The following SVEP1 variants were observed in gnomAD, a reference collection of about 807,000 sequenced individuals.
The protein encoded by SVEP1 is sushi, von Willebrand factor type A, EGF and pentraxin domain containing 1, also known as sushi, von Willebrand factor type A, EGF and pentraxin domain-containing protein 1.
Under a neutral mutation model 367.3 loss-of-function variants are expected in SVEP1, and 164 were observed. That is an observed-to-expected ratio of 0.45 (90% confidence interval 0.39 to 0.51). The LOEUF is 0.51. SVEP1 is among the 20% of genes least tolerant of loss of function. SVEP1 has a pLI of 0.00. For missense variants in SVEP1, 4,117 were observed against 4,425.3 expected (o/e 0.93, Z 1.98); for synonymous variants, 1,666 against 1,611.6 (o/e 1.03, Z -0.81).
intron 22 of SVEP1, among the ~76,000 whole-genome samples, chr9:110,453,886 A>T (rs888465019): frequency 2.2e-3 from 11 of 5,068 alleles, no homozygotes; most frequent in African/African-American, 5.7e-3. Context: ...ACAAAAATTA[A>T]AAAAAAAAAA....
intron 3 of SVEP1, among the ~76,000 whole-genome samples, chr9:110,536,325 C>T (rs1351187192): frequency 2.6e-5 from 4 of 151,962 alleles, no homozygotes; most frequent in African/African-American, 9.6e-5. Context: ...GTGAACTCTA[C>T]CTCTTTATAG....
chr9:110,464,316 G>A (rs2118650190), intron 18 of SVEP1, among the ~76,000 whole-genome samples: 2 of 152,286 alleles, frequency 1.3e-5, no homozygotes, highest in South Asian at 4.2e-4. Context: ...AAACTATTAG[G>A]TTGATGAATA....
chr9:110,513,109 A>T lies in SVEP1; in HGVS notation c.1124-4T>A. The T allele has an allele frequency of 6.3e-7, 1 of 1,592,720 alleles. No individual in the cohort carries two copies. Among genetic ancestry groups the T allele is most frequent in the Non-Finnish European group, 8.5e-7 (1 of 1,170,258 alleles). ...TTCAGGGCAGGGCAGTGGACAACTA[A>T]CATTTACAAAAATAAAATTGAAAAG... On this transcript the variant is annotated splice_polypyrimidine_tract_variant and splice_region_variant and intron_variant, in intron 4 of 47. Transcript: ENST00000374469.
intron 40 of SVEP1, 106 bp from the exon 41 acceptor site, chr9:110,389,693 G>T: frequency 8.4e-7 from 1 of 1,192,508 alleles, no homozygotes; most frequent in Non-Finnish European, 1.2e-6. Flanking sequence ...CTCAGCACTG[G>T]AATGCTAAAT....
intron 5 of SVEP1, among the ~76,000 whole-genome samples, chr9:110,503,494 T>C (rs998326982): frequency 6.6e-6 from 1 of 152,158 alleles, no homozygotes; most frequent in African/African-American, 2.4e-5. Flanking sequence ...ACATGGAAGA[T>C]GGTAACTGTA....
At chr9:110,480,853 C>G (rs1588073980) in intron 12 of SVEP1, among the ~76,000 whole-genome samples, 1 of 151,824 alleles carries the variant, frequency 6.6e-6, no homozygotes, top group South Asian at 2.1e-4. Flanking sequence ...AACTCTTGGG[C>G]TCAAGTGATC....
intron 28 of SVEP1, 97 bp downstream of exon 28, chr9:110,436,283 G>A: frequency 1.4e-6 from 2 of 1,449,668 alleles, no homozygotes; most frequent in Non-Finnish European, 1.9e-6. Flanking sequence ...ATAACCAAGA[G>A]CTTACAATAA....
At chr9:110,442,117 G>A (rs1005720236) in intron 27 of SVEP1, among the ~76,000 whole-genome samples, 1 of 152,160 alleles carries the variant, frequency 6.6e-6, no homozygotes, top group African/African-American at 2.4e-5. Flanking sequence ...CACAAGCCTC[G>A]ATGGACTCCC....
chr9:110,452,761 A>T (rs377685427), intron 22 of SVEP1, among the ~76,000 whole-genome samples: 122 of 152,366 alleles, frequency 8.0e-4, no homozygotes, highest in African/African-American at 2.8e-3. Flanking sequence ...GCATATTTCT[A>T]AACAGCATGC....
At chr9:110,466,344 T>C (rs1257261896) in intron 17 of SVEP1, among the ~76,000 whole-genome samples, 1 of 152,176 alleles carries the variant, frequency 6.6e-6, no homozygotes, top group Non-Finnish European at 1.5e-5. Flanking sequence ...AGGAACAAGT[T>C]GTACACTGGG....
At chr9:110,389,466 A>G in intron 41 of SVEP1, 58 bp downstream of exon 41, 3 of 1,584,534 alleles carry the variant, frequency 1.9e-6, no homozygotes, top group African/African-American at 2.7e-5. Context: ...ATGTAGCCAC[A>G]CTGTTATTTT....
At position 110,489,610 on chromosome 9, in the gene SVEP1, T is replaced by C. The variant is rs918548840; in HGVS notation, c.1930+40A>G. 6.4e-6 allele frequency: 10 copies of C among 1,574,616 alleles called. No homozygotes were observed. The African/African-American group carries it at 9.5e-5, about 15-fold the overall frequency. Reference sequence around the variant, plus strand: ...GAATTATGGGAGCCACAGTTCAAGATGACGTTTGGATGGGGAAACAACCAA... The same window carrying C: ...GAATTATGGGAGCCACAGTTCAAGACGACGTTTGGATGGGGAAACAACCAA... On this transcript the variant is annotated intron_variant, in intron 9 of 47. Coordinates refer to ENST00000374469, the MANE Select transcript of SVEP1 (RefSeq NM_153366.4).
Position 110,499,044 on chromosome 9 carries a change from T to C in SVEP1, c.1678A>G (p.Lys560Glu), listed in dbSNP as rs1488708027. Residue 560 changes from lysine to glutamate, a missense_variant, in exon 7 of 48, where the codon AAA becomes GAA. By Grantham distance (56) the Lys-to-Glu change is moderately conservative. Transcript: ENST00000374469. ...CCTGACTAGTGTAGAGACCTACCTT[T>C]ACACACAGCTGCCTGAACTCCGACA... The part of the protein sequence containing the change: ...WNVGVQAAVC[K>E]DVEAPQINCP... The C allele has an allele frequency of 1.9e-6, 3 of 1,612,956 alleles. No individual in the cohort carries two copies. In the African/African-American group the frequency reaches 4.0e-5, roughly 22 times the overall value.
chr9:110,541,848 TATATATATCTATATAC>T (rs1830152821), intron 3 of SVEP1, among the ~76,000 whole-genome samples: 19 of 140,350 alleles, frequency 1.4e-4, no homozygotes, highest in South Asian at 2.2e-4. Context: ...CATAGATATC[TATATATATCTATATAC>T]ATAGATATCT....
chr9:110,579,635 C>A lies in SVEP1; in HGVS notation c.-92G>T. ...GGCCGGACTCGCAGAGGGGCGTGCG[C>A]GGAGCTGGGCGCGGGGCAGCGGCCA... On this transcript the variant is annotated 5_prime_UTR_variant, in exon 1 of 48. Coordinates refer to ENST00000374469, the MANE Select transcript of SVEP1 (RefSeq NM_153366.4). This position sits in a 1 kb window ranked among gnomAD's most constrained non-coding sequence, Gnocchi z 5.3. 1 of 1,389,814 alleles carries A rather than the reference C, an allele frequency of 7.2e-7. No homozygotes were observed. The highest frequency in any genetic ancestry group is 9.3e-7 in the Non-Finnish European group (1 of 1,071,952). The allele number at this position is 1,389,814 out of a possible 1,614,324, so 86.1% of individuals were successfully genotyped here. A position where few individuals can be genotyped will look rare whatever the true frequency, so the allele number is the denominator to read the frequency against.
chr9:110,521,870 A>G (rs1366955107), intron 3 of SVEP1, among the ~76,000 whole-genome samples: 2 of 152,160 alleles, frequency 1.3e-5, no homozygotes, highest in Non-Finnish European at 2.9e-5. Context: ...AAAAATTGCT[A>G]AACAATTTTG....
chr9:110,454,257 T>G (rs1412279871), intron 22 of SVEP1, among the ~76,000 whole-genome samples: 2 of 152,198 alleles, frequency 1.3e-5, no homozygotes, highest in African/African-American at 4.8e-5. Context: ...CAATTGCTTT[T>G]GGGGACTCAG....
Position 110,546,245 on chromosome 9 carries a change from T to A in SVEP1, c.834A>T (p.Ser278=), listed in dbSNP as rs41305611. Residue 278 remains serine (S), a synonymous_variant, in exon 3 of 48, where the codon TCA becomes TCT. Transcript: ENST00000374469. ...SFIQDDMVHC[S]YLCDEGKDCC... is the part of the protein sequence containing the mutation. Reference sequence around the variant, plus strand: ...AGTCCTTGCCTTCATCACAAAGATATGAGCAGTGGACCATATCATCTTGAA... The same window carrying A: ...AGTCCTTGCCTTCATCACAAAGATAAGAGCAGTGGACCATATCATCTTGAA... 144,539 of 1,592,578 alleles carry A rather than the reference T, an allele frequency of 0.091. 7,105 individuals are homozygous for A. Among genetic ancestry groups the A allele is most frequent in the Middle Eastern group, 0.12 (698 of 6,042 alleles).
intron 20 of SVEP1, among the ~76,000 whole-genome samples, chr9:110,457,756 G>T (rs1019987229): frequency 4.6e-5 from 7 of 152,160 alleles, no homozygotes; most frequent in Non-Finnish European, 1.0e-4. Flanking sequence ...TGCTTTAGGG[G>T]ATCCTACAAA....
Sources: gnomAD v4.1 joint callset for allele counts (sites outside exome capture counted in the v4.1 genomes callset) on GRCh38, gnomAD v4.1.1 for gene constraint, Gnocchi (gnomAD v3.1) non-coding constraint, MANE v1.5 for transcripts, NCBI Gene and HGNC (gene_info 2026-07-23, HGNC 2026-07-21) for gene names.